The following TNNI3K variants were observed in gnomAD, a reference collection of about 807,000 sequenced individuals.
The protein encoded by TNNI3K is TNNI3 interacting kinase.
Under a neutral mutation model 114.5 loss-of-function variants are expected in TNNI3K, and 140 were observed. The ratio of observed to expected loss-of-function variants is 1.22; its 90% CI spans 1.07 to 1.41. The LOEUF is 1.41. Among genes scored for constraint, TNNI3K ranks in the 40% most tolerant of loss-of-function variants. The pLI, the probability that TNNI3K is intolerant of heterozygous loss-of-function variation, is 0.00. For synonymous variants in TNNI3K, 347 were observed against 347.5 expected (o/e 1.00, Z 0.02); for missense variants, 1,125 against 1,007.6 (o/e 1.12, Z -1.58).
Position 74,342,972 on chromosome 1 carries a change from TACCC to T in TNNI3K, c.814_817del (p.Thr272ProfsTer26). 1.9e-6 allele frequency: 3 copies of T among 1,613,934 alleles called. No individual in the cohort carries two copies. Among genetic ancestry groups the T allele is most frequent in the Non-Finnish European group, 2.5e-6 (3 of 1,179,892 alleles). ...CTCATGTTGTTAATATCTATGGAGA[TACCC>T]CCTTACACCTGTGAGTATTATGTAG... On this transcript the variant is annotated frameshift_variant, in exon 8 of 25. Coordinates refer to ENST00000326637, the MANE Select transcript of TNNI3K (RefSeq NM_015978.3). LOFTEE classifies it high-confidence loss of function.
At chr1:74,318,509 G>A (rs1163367846) in intron 5 of TNNI3K, among the ~76,000 whole-genome samples, 7 of 152,212 alleles carry the variant, frequency 4.6e-5, no homozygotes, top group Admixed American at 1.3e-4. Context: ...GCGGGCACAT[G>A]CTCTGTGCCA....
At chr1:74,442,599 C>G (rs910393957) in intron 20 of TNNI3K, among the ~76,000 whole-genome samples, 5 of 152,092 alleles carry the variant, frequency 3.3e-5, no homozygotes, top group African/African-American at 1.2e-4. Context: ...CATGGTTTAT[C>G]TCTATCTTCA....
At chr1:74,437,251 C>T (rs1666176526) in intron 19 of TNNI3K, among the ~76,000 whole-genome samples, 1 of 152,034 alleles carries the variant, frequency 6.6e-6, no homozygotes, top group South Asian at 2.1e-4. Context: ...TGCTTCAGTT[C>T]AGATTCTCGT....
chr1:74,485,955 C>T (rs1195880531), intron 21 of TNNI3K, among the ~76,000 whole-genome samples: 1 of 152,148 alleles, frequency 6.6e-6, no homozygotes, highest in African/African-American at 2.4e-5. Flanking sequence ...TCCTTGATTT[C>T]AGCCTAGTGA....
intron 6 of TNNI3K, among the ~76,000 whole-genome samples, chr1:74,332,434 G>A (rs1273951135): frequency 6.6e-6 from 1 of 151,892 alleles, no homozygotes; most frequent in African/African-American, 2.4e-5. Context: ...CCAAGTAGCT[G>A]AGACTACAGG....
intron 17 of TNNI3K, among the ~76,000 whole-genome samples, chr1:74,380,132 C>T (rs1251900419): frequency 2.6e-5 from 4 of 152,110 alleles, no homozygotes; most frequent in African/African-American, 9.7e-5. Context: ...AGAATCTTTG[C>T]CTCATTCAGC....
Position 74,417,798 on chromosome 1 carries a change from A to G in TNNI3K, c.1773-18282A>G, listed in dbSNP as rs546059938. ...AAAGGAAGGAAGTAAATATCTCAAA[A>G]TATTAATAATTGATACATTTAGGAG... On this transcript the variant is annotated intron_variant, in intron 17 of 24. Coordinates refer to ENST00000326637, the MANE Select transcript of TNNI3K (RefSeq NM_015978.3). Among the ~76,000 whole-genome samples, 4 of 152,074 alleles carry G rather than the reference A, an allele frequency of 2.6e-5. No individual in the cohort carries two copies. The South Asian group carries it at 8.3e-4, about 32-fold the overall frequency.
chr1:74,242,385 A>G (rs1654292796), intron 2 of TNNI3K, among the ~76,000 whole-genome samples: 1 of 152,166 alleles, frequency 6.6e-6, no homozygotes, highest in South Asian at 2.1e-4. Context: ...TTTCTCTCTG[A>G]AAAGTTCATC....
At chr1:74,293,885 T>G (rs1657821365) in intron 5 of TNNI3K, among the ~76,000 whole-genome samples, 1 of 151,770 alleles carries the variant, frequency 6.6e-6, no homozygotes, top group African/African-American at 2.4e-5. Flanking sequence ...TTGCTAAGAA[T>G]TTAGTCCACA....
At chr1:74,535,249 G>A (rs1570754379) in intron 23 of TNNI3K, among the ~76,000 whole-genome samples, 1 of 152,064 alleles carries the variant, frequency 6.6e-6, no homozygotes, top group African/African-American at 2.4e-5. Flanking sequence ...GGTCGAGGTG[G>A]GTGGATCAAC....
chr1:74,437,158 C>G (rs1281822057), intron 19 of TNNI3K, among the ~76,000 whole-genome samples: 1 of 152,016 alleles, frequency 6.6e-6, no homozygotes, highest in Non-Finnish European at 1.5e-5. Context: ...TTTCCTGCTT[C>G]TACTTACACT....
intron 7 of TNNI3K, among the ~76,000 whole-genome samples, chr1:74,336,605 GT>G (rs900622273): frequency 6.6e-6 from 1 of 150,668 alleles, no homozygotes; most frequent in African/African-American, 2.4e-5. Context: ...GTGGTGTTTG[GT>G]TTTTTGTTCT....
At chr1:74,427,445 C>T (rs1442945753) in intron 17 of TNNI3K, among the ~76,000 whole-genome samples, 1 of 151,642 alleles carries the variant, frequency 6.6e-6, no homozygotes, top group East Asian at 1.9e-4. Context: ...GGAAAAAAAT[C>T]TCCCACATTG....
chr1:74,469,799 T>G (rs1286571326), intron 21 of TNNI3K: 2 of 398,904 alleles, frequency 5.0e-6, no homozygotes, highest in Non-Finnish European at 8.9e-6. Context: ...TTCTAATGCA[T>G]GCAAAGGCTA....
intron 13 of TNNI3K, among the ~76,000 whole-genome samples, chr1:74,368,330 T>A (rs868065816): frequency 1.3e-5 from 2 of 151,882 alleles, no homozygotes; most frequent in South Asian, 4.1e-4. Flanking sequence ...CCCCAATAAG[T>A]AATACTTTGG....
chr1:74,474,889 C>T (rs927079244), intron 21 of TNNI3K, among the ~76,000 whole-genome samples: 12 of 152,022 alleles, frequency 7.9e-5, no homozygotes, highest in Admixed American at 6.6e-5. Context: ...ACATGTCATG[C>T]TCTGGGAAGG....
In TNNI3K at chr1:74,235,446, T is replaced by C. The variant is rs199836751; in HGVS notation, c.-6T>C. ...TGCCCTGGAGAAAGGAAGAAACTTA[T>C]AATAAATGGGAAATTATAAATCTAG... On this transcript the variant is annotated 5_prime_UTR_variant, in exon 1 of 25. Transcript: ENST00000326637. 16 of 1,518,852 alleles carry C rather than the reference T, an allele frequency of 1.1e-5. No individual in the cohort carries two copies. The highest frequency in any genetic ancestry group is 1.9e-5 in the Admixed American group (1 of 51,938). 94.1% of individuals were successfully genotyped at this position (1,518,852 alleles called of 1,614,324 possible). A position where few individuals can be genotyped will look rare whatever the true frequency, so the allele number is the denominator to read the frequency against.
intron 9 of TNNI3K, among the ~76,000 whole-genome samples, chr1:74,345,402 G>A (rs1408591059): frequency 6.6e-6 from 1 of 152,100 alleles, no homozygotes; most frequent in Non-Finnish European, 1.5e-5. Flanking sequence ...ATTACAGTGT[G>A]ATAAGCAGTG....
At chr1:74,369,767 T>A in intron 16 of TNNI3K, 182 bp downstream of exon 16, 1 of 636,110 alleles carries the variant, frequency 1.6e-6, no homozygotes, top group Non-Finnish European at 2.3e-6. Context: ...TGAATAGAAA[T>A]ACTTTATGCT....
Sources: gnomAD v4.1 joint callset for allele counts (sites outside exome capture counted in the v4.1 genomes callset) on GRCh38, gnomAD v4.1.1 for gene constraint, MANE v1.5 for transcripts, NCBI Gene and HGNC (gene_info 2026-07-23, HGNC 2026-07-21) for gene names.